The following BAZ2A variants were observed in gnomAD, a reference collection of about 807,000 sequenced individuals.
The protein encoded by BAZ2A is bromodomain adjacent to zinc finger domain 2A.
Under a neutral mutation model 199.9 loss-of-function variants are expected in BAZ2A, and 34 were observed. The observed-to-expected ratio is 0.17, with a 90% CI of 0.13 to 0.23. The LOEUF is 0.23. BAZ2A is among the 10% of genes least tolerant of loss of function. BAZ2A has a pLI of 1.00. For missense variants in BAZ2A, 2,002 were observed against 2,391.1 expected (o/e 0.84, Z 3.39); for synonymous variants, 857 against 883.9 (o/e 0.97, Z 0.54).
At chr12:56,607,736 C>A (rs1950411110) in intron 10 of BAZ2A, among the ~76,000 whole-genome samples, 1 of 152,152 alleles carries the variant, frequency 6.6e-6, no homozygotes, top group Non-Finnish European at 1.5e-5. Context: ...TACGTGACAA[C>A]CCTCTAAGAC....
chr12:56,605,924 G>A lies in BAZ2A; in HGVS notation c.2399C>T (p.Ala800Val). ...KPACKADKTLATQRRLEERQR... is the reference protein window; with the variant it reads ...KPACKADKTLVTQRRLEERQR... ...CCGTTCCTCCAAGCGCCTCTGTGTG[G>A]CCAGGGTCTTATCTGCTTTACAGGC... Residue 800 changes from alanine (A) to valine (V), a missense_variant, in exon 13 of 29, where the codon GCC becomes GTC. Ala to Val is a moderately conservative substitution (Grantham distance 64). This residue lies in a region of BAZ2A where 1,081 missense variants were observed against 1,274.7 expected (regional missense o/e 0.85). Coordinates refer to ENST00000549884, the MANE Select transcript of BAZ2A (RefSeq NM_001300905.2). 6.4e-7 allele frequency: 1 copy of A among 1,570,876 alleles called. No homozygotes were observed.
At position 56,612,097 on chromosome 12, in the gene BAZ2A, G is replaced by C. The variant is rs752946379; in HGVS notation, c.1285C>G (p.Pro429Ala). ...LHPATSPAVSPTTSPAVSLVV... is the reference protein window; with the variant it reads ...LHPATSPAVSATTSPAVSLVV... The stretch of plus-strand genomic sequence containing the variant: ...AGGGAGACTGCTGGGGAGGTTGTTG[G>C]CGAGACTGCTGGTGAGGTTGCTGGA... The change falls in exon 6 of 29, where the codon CCA (proline) becomes GCA (alanine). Residue 429 changes from proline to alanine, a missense_variant. By Grantham distance (27) the Pro-to-Ala change is conservative (BLOSUM62 -1). This residue lies in a region of BAZ2A where 641 missense variants were observed against 694.5 expected (regional missense o/e 0.92). Transcript: ENST00000549884. The C allele has an allele frequency of 8.7e-6, 14 of 1,613,794 alleles. No individual in the cohort carries two copies. In the South Asian group the frequency reaches 1.1e-4, roughly 13 times the overall value.
In BAZ2A at chr12:56,599,145, C is replaced by T; in HGVS notation, c.5386G>A (p.Asp1796Asn). 6.2e-7 allele frequency: 1 copy of T among 1,611,646 alleles called. No homozygotes were observed. The highest frequency in any genetic ancestry group is 1.1e-5 in the South Asian group (1 of 90,532). The part of the protein sequence containing the change: ...RRLSMRNHHS[D>N]LTFCEIILME... ...TCAACTCACTCGCAAAATGTGAGATCACTGTGGTGGTTCCGCATAGAGAGT... is the reference window on the plus strand; with the variant it reads ...TCAACTCACTCGCAAAATGTGAGATTACTGTGGTGGTTCCGCATAGAGAGT... The change falls in exon 27 of 29, where the codon GAT becomes AAT. Residue 1796 changes from aspartate to asparagine, a missense_variant. This residue lies in a region of BAZ2A where 122 missense variants were observed against 123.0 expected (regional missense o/e 0.99). Coordinates refer to ENST00000549884, the MANE Select transcript of BAZ2A (RefSeq NM_001300905.2).
At chr12:56,610,762 T>G (rs949087476) in intron 7 of BAZ2A, among the ~76,000 whole-genome samples, 3 of 152,028 alleles carry the variant, frequency 2.0e-5, no homozygotes, top group African/African-American at 7.3e-5. Context: ...GAGATCTCCA[T>G]CCCTCCTTTA....
At chr12:56,605,517 G>A in intron 13 of BAZ2A, 190 bp from the exon 14 acceptor site, 1 of 670,792 alleles carries the variant, frequency 1.5e-6, no homozygotes, top group Non-Finnish European at 2.4e-6. Flanking sequence ...GACCTCCTAA[G>A]CCCAAGCAAT....
intron 19 of BAZ2A, 100 bp downstream of exon 19, chr12:56,602,613 T>C: frequency 6.9e-7 from 1 of 1,456,096 alleles, no homozygotes; most frequent in Non-Finnish European, 9.3e-7. Context: ...TTACGCTATA[T>C]TATCAGAAAA....
intron 2 of BAZ2A, among the ~76,000 whole-genome samples, chr12:56,616,497 T>C (rs904106911): frequency 2.6e-5 from 4 of 152,078 alleles, no homozygotes; most frequent in East Asian, 3.9e-4. Context: ...CCTATAGGCA[T>C]TGGAAGGTAA....
chr12:56,632,650 T>C (rs2137468341), upstream of BAZ2A, among the ~76,000 whole-genome samples: 1 of 152,144 alleles, frequency 6.6e-6, no homozygotes, highest in South Asian at 2.1e-4. Flanking sequence ...GGGTGTTGGA[T>C]AGGAGAGGAC....
intron 22 of BAZ2A, 30 bp from the exon 23 acceptor site, chr12:56,600,862 C>T: frequency 6.2e-7 from 1 of 1,611,930 alleles, no homozygotes; most frequent in African/African-American, 1.3e-5. Flanking sequence ...AGGGAGAGGC[C>T]CATCAGGCTG....
intron 1 of BAZ2A, among the ~76,000 whole-genome samples, chr12:56,629,154 G>T (rs1356843373): frequency 2.0e-5 from 3 of 152,138 alleles, no homozygotes; most frequent in Non-Finnish European, 4.4e-5. Context: ...AACAAGACAC[G>T]CAGCAGCAAA....
At chr12:56,600,558 A>AT in intron 23 of BAZ2A, 68 bp from the exon 24 acceptor site, 1 of 1,573,222 alleles carries the variant, frequency 6.4e-7, no homozygotes, top group Non-Finnish European at 8.6e-7. Flanking sequence ...AAAAAAAAAA[A>AT]CAAAAACAAG....
chr12:56,609,431 G>A (rs1453371502), intron 10 of BAZ2A, among the ~76,000 whole-genome samples: 4 of 152,196 alleles, frequency 2.6e-5, no homozygotes, highest in Non-Finnish European at 5.9e-5. Flanking sequence ...AACTGAACCA[G>A]TATATGATAA....
Position 56,601,379 on chromosome 12 carries a change from G to C in BAZ2A, c.4095C>G (p.Asn1365Lys). 1 of 1,613,780 alleles carries C rather than the reference G, an allele frequency of 6.2e-7. No homozygotes were observed. Among genetic ancestry groups the C allele is most frequent in the East Asian group, 2.2e-5 (1 of 44,892 alleles). The change falls in exon 21 of 29, where the codon AAC becomes AAG. Residue 1365 changes from asparagine (N) to lysine (K), a missense_variant. By Grantham distance (94) the Asn-to-Lys change is moderately conservative (BLOSUM62 0). Transcript: ENST00000549884. ...AAGAGAACTGCACTGGAGAACAAGG[G>C]TTGGCAGCACTAGGTCTATTCATCT... ...SKPMNRPSAA[N>K]PCSPVQFSST...
In BAZ2A at chr12:56,617,193, G is replaced by A. The variant is rs189149296; in HGVS notation, c.136+202C>T. 2.6e-5 allele frequency among the ~76,000 whole-genome samples: 4 copies of A among 152,246 alleles called. No homozygotes were observed. In the East Asian group the frequency reaches 5.8e-4, roughly 22 times the overall value. On this transcript the variant is annotated intron_variant, in intron 2 of 28. Transcript: ENST00000549884. ...GGGAACAGGGCTGACAGAAGAACAG[G>A]CTAAGATGAAAAAGCCAGTGGGTTT...
At chr12:56,600,571 C>A in intron 23 of BAZ2A, 81 bp from the exon 24 acceptor site, 2 of 1,573,930 alleles carry the variant, frequency 1.3e-6, no homozygotes, top group Non-Finnish European at 1.7e-6. Context: ...AAAACAAGAC[C>A]CACTTAAGGT....
rs1297804184 is a variant in BAZ2A, at chr12:56,596,504, G to C, written c.*2114C>G. The C allele has an allele frequency of 6.6e-6, 1 of 152,390 alleles. No homozygotes were observed. The highest frequency in any genetic ancestry group is 6.6e-5 in the Admixed American group (1 of 15,238). The allele number at this position is 152,390 out of a possible 1,614,324, so 9.4% of individuals were successfully genotyped here. ...TCCCTAGGGAAAGAGATGGAGCTGG[G>C]AGAGGAACACAAAGCAGGAACCATG... On this transcript the variant is annotated 3_prime_UTR_variant, in exon 29 of 29. Coordinates refer to ENST00000549884, the MANE Select transcript of BAZ2A (RefSeq NM_001300905.2).
intron 3 of BAZ2A, 44 bp downstream of exon 3, chr12:56,614,970 C>T: frequency 6.5e-7 from 1 of 1,549,460 alleles, no homozygotes; most frequent in African/African-American, 1.4e-5. Context: ...CCCCCCCGAG[C>T]TCCATTTTTC....
Position 56,601,068 on chromosome 12 carries a change from T to A in BAZ2A, c.4325A>T (p.Asp1442Val). 8 of 1,612,204 alleles carry A rather than the reference T, an allele frequency of 5.0e-6. No homozygotes were observed. Among genetic ancestry groups the A allele is most frequent in the Non-Finnish European group, 6.8e-6 (8 of 1,179,102 alleles). The change falls in exon 22 of 29, where the codon GAT becomes GTT. Residue 1442 changes from aspartate to valine, a missense_variant. Physicochemically the swap from Asp to Val is radical, Grantham distance 152. Transcript: ENST00000549884. Reference sequence around the variant, plus strand: ...GAGCATGGCATCCAACATCTCAGGATCTCGTATCCACCACCAGCCTGAGCA... The same window carrying A: ...GAGCATGGCATCCAACATCTCAGGAACTCGTATCCACCACCAGCCTGAGCA... ...EMCSGWWWIR[D>V]PEMLDAMLKA...
chr12:56,634,669 T>A (rs1249425654), upstream of BAZ2A, among the ~76,000 whole-genome samples: 1 of 151,526 alleles, frequency 6.6e-6, no homozygotes, highest in Non-Finnish European at 1.5e-5. Flanking sequence ...GAGATTTTTC[T>A]GGCGAAGAAG....
Sources: allele counts gnomAD v4.1 joint callset (sites outside exome capture counted in the v4.1 genomes callset), GRCh38; gene constraint gnomAD v4.1.1; regional missense constraint gnomAD v4.1.1; transcripts MANE v1.5; gene names NCBI Gene and HGNC (gene_info 2026-07-23, HGNC 2026-07-21).